DRC2: variants seen among roughly 807,000 people sequenced by gnomAD.
DRC2 encodes dynein regulatory complex subunit 2, also known as coiled-coil domain containing 65.
At chr12:48,904,812 C>T in the DRC2 span, 1 of 708,030 alleles carries the variant, frequency 1.4e-6, no homozygotes, top group South Asian at 2.3e-5. Context: ...GAAATTCACC[C>T]TTGCCCTCCC....
At chr12:48,907,631 C>A in the DRC2 span, among the ~76,000 whole-genome samples, 2 of 152,196 alleles carry the variant, frequency 1.3e-5, no homozygotes, top group Non-Finnish European at 2.9e-5. Flanking sequence ...TGATTTCTAC[C>A]CTTCTCTAGG....
the DRC2 span, among the ~76,000 whole-genome samples, chr12:48,913,875 C>T: frequency 2.6e-5 from 4 of 151,036 alleles, no homozygotes; most frequent in Admixed American, 2.7e-4. Flanking sequence ...ATCTGCCCAC[C>T]TTGGCCTCCC....
the DRC2 span, among the ~76,000 whole-genome samples, chr12:48,915,345 T>C: frequency 6.9e-6 from 1 of 145,712 alleles, no homozygotes; most frequent in Non-Finnish European, 1.5e-5. Context: ...AGCATCTGTT[T>C]AACAAAGCAC....
chr12:48,915,258 G>A, the DRC2 span, among the ~76,000 whole-genome samples: 1 of 150,620 alleles, frequency 6.6e-6, no homozygotes, highest in African/African-American at 2.4e-5. Flanking sequence ...GGACCCTGCG[G>A]CCTTCCACAG....
the DRC2 span, among the ~76,000 whole-genome samples, chr12:48,912,960 A>C: frequency 6.6e-6 from 1 of 151,776 alleles, no homozygotes; most frequent in East Asian, 2.0e-4. Flanking sequence ...ACATGGTGAA[A>C]CCCTGTCTCT....
the DRC2 span, chr12:48,904,811 C>A: frequency 1.4e-6 from 1 of 700,810 alleles, no homozygotes. Context: ...GGAAATTCAC[C>A]CTTGCCCTCC....
At chr12:48,910,118 C>G in the DRC2 span, among the ~76,000 whole-genome samples, 1 of 152,138 alleles carries the variant, frequency 6.6e-6, no homozygotes, top group African/African-American at 2.4e-5. Context: ...AGAGTTGTTA[C>G]AAATGACAGC....
chr12:48,918,567 A>G, the DRC2 span: 1 of 1,492,488 alleles, frequency 6.7e-7, no homozygotes, highest in Non-Finnish European at 9.2e-7. Flanking sequence ...ATCACTGATC[A>G]TTGGTTGGGA....
the DRC2 span, chr12:48,918,130 G>T: frequency 1.4e-6 from 1 of 692,450 alleles, no homozygotes; most frequent in Non-Finnish European, 2.4e-6. Context: ...TATATCATCT[G>T]CCTGGTCTTG....
At chr12:48,908,604 A>ATTT in the DRC2 span, among the ~76,000 whole-genome samples, 1 of 110,966 alleles carries the variant, frequency 9.0e-6, no homozygotes, top group Non-Finnish European at 1.7e-5. Context: ...TATTATTATT[A>ATTT]TTATTTATTT....
chr12:48,921,282 C>A, the DRC2 span: 1 of 1,614,192 alleles, frequency 6.2e-7, no homozygotes, highest in Non-Finnish European at 8.5e-7. Context: ...CAATGGGAAG[C>A]TGCGGGAGAT....
the DRC2 span, among the ~76,000 whole-genome samples, chr12:48,913,925 C>CTT: frequency 0.32 from 30,233 of 95,792 alleles, 5,431 homozygotes; most frequent in East Asian, 0.42. Context: ...CGTGCCCAGT[C>CTT]TTTTTTTTTT....
the DRC2 span, chr12:48,918,131 C>A: frequency 2.9e-6 from 2 of 697,772 alleles, no homozygotes; most frequent in Non-Finnish European, 4.8e-6. Context: ...ATATCATCTG[C>A]CTGGTCTTGT....
chr12:48,921,160 A>C, the DRC2 span: 1,016 of 1,613,212 alleles, frequency 6.3e-4, 14 homozygotes, highest in Admixed American at 0.016. Flanking sequence ...CTGTAACTCC[A>C]CTCCCAGGTG....
chr12:48,921,357 T>G, the DRC2 span: 1 of 1,614,078 alleles, frequency 6.2e-7, no homozygotes, highest in Non-Finnish European at 8.5e-7. Context: ...CAACCCACTC[T>G]TTATAGTCAA....
At chr12:48,913,919 C>T in the DRC2 span, among the ~76,000 whole-genome samples, 2 of 147,682 alleles carry the variant, frequency 1.4e-5, no homozygotes, top group Admixed American at 7.0e-5. Context: ...AGCCACCGTG[C>T]CCAGTCTTTT....
chr12:48,912,354 C>T, the DRC2 span, among the ~76,000 whole-genome samples: 1 of 144,736 alleles, frequency 6.9e-6, no homozygotes, highest in Non-Finnish European at 1.5e-5. Context: ...GGCGTGAACC[C>T]GGGAGAGGGA....
At chr12:48,905,647 G>A in the DRC2 span, among the ~76,000 whole-genome samples, 1 of 152,150 alleles carries the variant, frequency 6.6e-6, no homozygotes, top group Non-Finnish European at 1.5e-5. Context: ...TTATGCTCTT[G>A]GGAGGTTCTT....
chr12:48,917,818 C>A, the DRC2 span, among the ~76,000 whole-genome samples: 2 of 152,180 alleles, frequency 1.3e-5, no homozygotes, highest in African/African-American at 4.8e-5. Context: ...TTCCACTGTC[C>A]TCGAGGTTGC....
Sources: allele counts gnomAD v4.1 joint callset (sites outside exome capture counted in the v4.1 genomes callset), GRCh38; gene constraint gnomAD v4.1.1; transcripts MANE v1.5; gene names NCBI Gene and HGNC (gene_info 2026-07-23, HGNC 2026-07-21).